The following DNAH8 variants were observed in gnomAD, a reference collection of about 807,000 sequenced individuals.
DNAH8 encodes dynein axonemal heavy chain 8.
DNAH8 carries 382 observed loss-of-function variants against 562.1 expected under a neutral mutation model. The observed-to-expected ratio is 0.68, with a 90% CI of 0.63 to 0.74. The LOEUF is 0.74. Among genes scored for constraint, DNAH8 ranks in the 30% least tolerant of loss-of-function variants. The probability of loss-of-function intolerance (pLI) is 0.00; values close to 1 mark genes in which losing one functional copy is unlikely to be tolerated. For synonymous variants in DNAH8, 1,881 were observed against 1,919.4 expected, an observed-to-expected ratio of 0.98 and a Z score of 0.52; for missense variants, 5,203 against 5,620.4, an observed-to-expected ratio of 0.93 and a Z score of 2.37.
Position 38,845,710 on chromosome 6 carries a change from C to T in DNAH8, c.4982C>T (p.Ser1661Leu), listed in dbSNP as rs1293165543. The T allele has an allele frequency of 1.4e-5, 22 of 1,613,852 alleles. No homozygotes were observed. The highest frequency in any genetic ancestry group is 4.5e-5 in the East Asian group (2 of 44,854). The change falls in exon 36 of 93, where the codon TCG becomes TTG. Residue 1661 changes from serine to leucine, a missense_variant. By Grantham distance (145) the Ser-to-Leu change is moderately radical. Around this residue, in one of 6 missense-constraint regions of DNAH8, gnomAD observed 2,176 missense variants for 2,365.1 expected, o/e 0.92. Coordinates refer to ENST00000327475, the MANE Select transcript of DNAH8 (RefSeq NM_001206927.2). Reference sequence around the variant, plus strand: ...GAGCTCCTGCTCAAAGGAACCGAATCGGGAGAAATTATCACTTTGATGGAG... The same window carrying T: ...GAGCTCCTGCTCAAAGGAACCGAATTGGGAGAAATTATCACTTTGATGGAG... ...KGELLLKGTE[S>L]GEIITLMEDS... is the part of the protein sequence containing the mutation.
intron 41 of DNAH8, among the ~76,000 whole-genome samples, chr6:38,855,852 T>A (rs1317717180): frequency 6.6e-6 from 1 of 152,046 alleles, no homozygotes; most frequent in Non-Finnish European, 1.5e-5. Context: ...CCACCTCCTG[T>A]CAGATCAACG....
chr6:38,905,894 G>T lies in DNAH8; in HGVS notation c.9195-360G>T, dbSNP rs576916167. ...ATAAATTATGACTATGGTTTTTTTT[G>T]TTGTTGTTGTTTGTTTGTTTATTTG... is the stretch of plus-strand genomic sequence containing the variant. On this transcript the variant is annotated intron_variant, in intron 62 of 92. Coordinates refer to ENST00000327475, the MANE Select transcript of DNAH8 (RefSeq NM_001206927.2). 3.9e-3 allele frequency among the ~76,000 whole-genome samples: 596 copies of T among 151,638 alleles called. 6 individuals are homozygous for T. The highest frequency in any genetic ancestry group is 0.02 in the South Asian group (97 of 4,796).
At chr6:38,948,752 C>T (rs538746457) in intron 80 of DNAH8, among the ~76,000 whole-genome samples, 5 of 152,258 alleles carry the variant, frequency 3.3e-5, no homozygotes, top group African/African-American at 7.2e-5. Context: ...GGAACTTGGG[C>T]GTCAGTGAGC....
intron 53 of DNAH8, among the ~76,000 whole-genome samples, chr6:38,880,981 C>T (rs1778432338): frequency 6.6e-6 from 1 of 152,114 alleles, no homozygotes; most frequent in Admixed American, 6.5e-5. Context: ...GAGCTGAGAT[C>T]GCACCACTAC....
intron 48 of DNAH8, 68 bp from the exon 49 acceptor site, chr6:38,870,333 C>T (rs547860841): frequency 5.8e-5 from 84 of 1,439,838 alleles, no homozygotes; most frequent in Non-Finnish European, 8.0e-5. Context: ...GTACTATGCA[C>T]ATCCCAGCTA....
rs1000527678 is a variant in DNAH8 at position 38,873,259 on chromosome 6, A to C, written c.7503A>C (p.Ala2501=). 6.2e-7 allele frequency: 1 copy of C among 1,613,716 alleles called. No homozygotes were observed. The highest frequency in any genetic ancestry group is 8.5e-7 in the Non-Finnish European group (1 of 1,179,924). The part of the protein sequence containing the change: ...ILQAWLKKRT[A]QEAAVFLTLY... ...AGGCATGGTTGAAGAAACGCACTGC[A>C]CAGGAAGCTGCTGTATTCCTGACAC... The change falls in exon 52 of 93, where the codon GCA becomes GCC. Residue 2501 remains alanine (A), a synonymous_variant. Coordinates refer to ENST00000327475, the MANE Select transcript of DNAH8 (RefSeq NM_001206927.2).
chr6:38,888,027 C>T (rs910129151), intron 57 of DNAH8, among the ~76,000 whole-genome samples: 2 of 151,666 alleles, frequency 1.3e-5, no homozygotes, highest in African/African-American at 2.4e-5. Flanking sequence ...TTAGTAGAGA[C>T]GGGGTTTCAC....
At chr6:38,748,994 A>G (rs1449844256) in intron 8 of DNAH8, among the ~76,000 whole-genome samples, 1 of 152,034 alleles carries the variant, frequency 6.6e-6, no homozygotes, top group Non-Finnish European at 1.5e-5. Context: ...TTTTCTCAGC[A>G]TTGACCAGAT....
At position 38,991,970 on chromosome 6, in the gene DNAH8, C is replaced by CT. The variant is rs35933572; in HGVS notation, c.13214+1810dup. ...GTATCACCCACTGACATACTCTACA[C>CT]TTTTTTTTTTTTGCCACGGAATTTC... is the stretch of plus-strand genomic sequence containing the variant. On this transcript the variant is annotated intron_variant, in intron 88 of 92. Transcript: ENST00000327475. Among the ~76,000 whole-genome samples the CT allele has an allele frequency of 2.9e-3, 425 of 147,820 alleles. 2 individuals carry two copies. Among genetic ancestry groups the CT allele is most frequent in the African/African-American group, 7.7e-3 (309 of 40,356 alleles).
At chr6:38,909,055 G>A (rs1466797053) in intron 64 of DNAH8, among the ~76,000 whole-genome samples, 1 of 152,142 alleles carries the variant, frequency 6.6e-6, no homozygotes, top group Non-Finnish European at 1.5e-5. Context: ...ATAGAATTTT[G>A]TCTCTGTACT....
chr6:39,001,857 T>C (rs1489662268), intron 88 of DNAH8, among the ~76,000 whole-genome samples: 1 of 151,832 alleles, frequency 6.6e-6, no homozygotes, highest in African/African-American at 2.4e-5. Flanking sequence ...CAGAGGATGA[T>C]CAGGAAGTTA....
At chr6:38,735,100 C>T (rs1370777329) in intron 5 of DNAH8, among the ~76,000 whole-genome samples, 1 of 152,136 alleles carries the variant, frequency 6.6e-6, no homozygotes, top group Non-Finnish European at 1.5e-5. Context: ...TTAAATGTGT[C>T]CTCTGGAAAG....
At chr6:39,018,543 A>G (rs531728067) in intron 91 of DNAH8, among the ~76,000 whole-genome samples, 2 of 152,136 alleles carry the variant, frequency 1.3e-5, no homozygotes, top group African/African-American at 2.4e-5. Context: ...CTAATGTCCC[A>G]CTGTAGCATG....
At chr6:38,912,596 G>A (rs1780986160) in intron 66 of DNAH8, among the ~76,000 whole-genome samples, 1 of 152,210 alleles carries the variant, frequency 6.6e-6, no homozygotes. Context: ...GCTTCTTGCA[G>A]CTTTCCTATA....
chr6:38,889,961 G>A (rs936840390), intron 57 of DNAH8, among the ~76,000 whole-genome samples: 7 of 152,194 alleles, frequency 4.6e-5, no homozygotes, highest in African/African-American at 1.7e-4. Context: ...CTGGAGTGAA[G>A]CAGAGTAAAT....
rs1213095001 is a variant in DNAH8 at position 38,863,910 on chromosome 6, G to T, written c.6348G>T (p.Glu2116Asp). Reference sequence around the variant, plus strand: ...CGGGTTCCTGGGGCTGTTTTGATGAGTTTAACAGAATTGAATTGCCTGTAT... The same window carrying T: ...CGGGTTCCTGGGGCTGTTTTGATGATTTTAACAGAATTGAATTGCCTGTAT... ...AQSGSWGCFDEFNRIELPVLS... is the reference protein window; with the variant it reads ...AQSGSWGCFDDFNRIELPVLS... Residue 2116 changes from glutamate (E) to aspartate (D), a missense_variant, in exon 45 of 93, where the codon GAG becomes GAT. Glu to Asp is a conservative substitution (Grantham distance 45). Transcript: ENST00000327475. 1 of 1,609,384 alleles carries T rather than the reference G, an allele frequency of 6.2e-7. No individual in the cohort carries two copies. Among genetic ancestry groups the T allele is most frequent in the African/African-American group, 1.3e-5 (1 of 74,574 alleles).
In DNAH8 at chr6:38,872,651, A is replaced by G; in HGVS notation, c.7106A>G (p.His2369Arg). ...GCGCAAACAGAATGCGGAAGGCCTC[A>G]TAGAGAAATGCGAATGAATCCAAAA... ...MKAQTECGRPHREMRMNPKAI... is the reference protein window; with the variant it reads ...MKAQTECGRPRREMRMNPKAI... The change falls in exon 50 of 93, where the codon CAT (histidine) becomes CGT (arginine). Residue 2369 changes from histidine to arginine, a missense_variant. Coordinates refer to ENST00000327475, the MANE Select transcript of DNAH8 (RefSeq NM_001206927.2). 1 of 1,614,148 alleles carries G rather than the reference A, an allele frequency of 6.2e-7. No homozygotes were observed. The highest frequency in any genetic ancestry group is 8.5e-7 in the Non-Finnish European group (1 of 1,179,980).
At chr6:38,964,908 C>CA (rs1241141594) in intron 82 of DNAH8, among the ~76,000 whole-genome samples, 1 of 151,720 alleles carries the variant, frequency 6.6e-6, no homozygotes, top group Non-Finnish European at 1.5e-5. Flanking sequence ...ATTAAAAATA[C>CA]AAAAAATTAG....
In DNAH8 at chr6:38,845,774, G is replaced by T; in HGVS notation, c.5045+1G>T. 1 of 1,606,308 alleles carries T rather than the reference G, an allele frequency of 6.2e-7. No homozygotes were observed. Among genetic ancestry groups the T allele is most frequent in the Non-Finnish European group, 8.5e-7 (1 of 1,173,490 alleles). ...TCTTAGGGTCTTTACTCAGCAACAGGTAATTTTATAATTTGAGAGAGAGAT... is the reference window on the plus strand; with the variant it reads ...TCTTAGGGTCTTTACTCAGCAACAGTTAATTTTATAATTTGAGAGAGAGAT... On this transcript the variant is annotated splice_donor_variant, in intron 36 of 92. Transcript: ENST00000327475. LOFTEE classifies it high-confidence loss of function.
Sources: allele counts gnomAD v4.1 joint callset (sites outside exome capture counted in the v4.1 genomes callset), GRCh38; gene constraint gnomAD v4.1.1; regional missense constraint gnomAD v4.1.1; transcripts MANE v1.5; gene names NCBI Gene and HGNC (gene_info 2026-07-23, HGNC 2026-07-21).